DAB2: variants seen among roughly 807,000 people sequenced by gnomAD.
DAB2 encodes DAB adaptor protein 2.
Under a neutral mutation model 71.6 loss-of-function variants are expected in DAB2, and 28 were observed. That is an observed-to-expected ratio of 0.39 (90% CI 0.29 to 0.54). The LOEUF is 0.54. DAB2 is among the 20% of genes least tolerant of loss of function. The pLI, the probability that DAB2 is intolerant of heterozygous loss-of-function variation, is 0.68. For missense variants in DAB2, 867 were observed against 928.8 expected (o/e 0.93, Z 0.86); for synonymous variants, 345 against 339.7 (o/e 1.02, Z -0.17).
chr5:39,390,078 C>A, intron 5 of DAB2, 146 bp from the exon 6 acceptor site: 1 of 631,262 alleles, frequency 1.6e-6, no homozygotes, highest in Non-Finnish European at 2.7e-6. Flanking sequence ...GGGATCACCA[C>A]CAACCCAATC....
chr5:39,383,206 T>C lies in DAB2; in HGVS notation c.753A>G (p.Arg251=). 6.2e-7 allele frequency: 1 copy of C among 1,613,968 alleles called. No homozygotes were observed. Among genetic ancestry groups the C allele is most frequent in the Non-Finnish European group, 8.5e-7 (1 of 1,179,914 alleles). The change falls in exon 10 of 15, where the codon AGA becomes AGG. Residue 251 remains arginine (R), a synonymous_variant. Coordinates refer to ENST00000320816, the MANE Select transcript of DAB2 (RefSeq NM_001343.4). ...SEIDTNQNSL[R]ENPFLTNGIT... ...TGCCGTTTGTTAAGAATGGATTTTC[T>C]CTTAAAGAATTCTGATTGGTGTCGA...
intron 9 of DAB2, among the ~76,000 whole-genome samples, chr5:39,384,296 T>C (rs1755047238): frequency 6.6e-6 from 1 of 152,250 alleles, no homozygotes; most frequent in African/African-American, 2.4e-5. Context: ...TACATACACA[T>C]GATAAAGTTT....
chr5:39,388,341 C>T lies in DAB2; in HGVS notation c.651G>A (p.Gly217=). The part of the protein sequence containing the change: ...KSGVDQMDLF[G]DMSTPPDLNS... ...TTAGGTCAGGAGGTGTAGACATGTC[C>T]CCAAACAAATCCATCTGGTCAACAC... Residue 217 remains glycine, a synonymous_variant, in exon 9 of 15, where the codon GGG becomes GGA. Coordinates refer to ENST00000320816, the MANE Select transcript of DAB2 (RefSeq NM_001343.4). 1 of 1,611,694 alleles carries T rather than the reference C, an allele frequency of 6.2e-7. No homozygotes were observed. The highest frequency in any genetic ancestry group is 8.5e-7 in the Non-Finnish European group (1 of 1,178,556).
chr5:39,379,321 C>T (rs975319006), intron 11 of DAB2, among the ~76,000 whole-genome samples: 3 of 151,682 alleles, frequency 2.0e-5, no homozygotes, highest in African/African-American at 4.8e-5. Flanking sequence ...GGTGTGGTGG[C>T]GCATGCCTGT....
chr5:39,404,779 A>G (rs535540514), intron 1 of DAB2, among the ~76,000 whole-genome samples: 1 of 152,236 alleles, frequency 6.6e-6, no homozygotes, highest in East Asian at 1.9e-4. Context: ...GGGTCTCACT[A>G]TGTTGGCCAG....
rs1756021512 is a variant in DAB2, at chr5:39,422,850, A to T, written c.-102+1954T>A. 6.6e-6 allele frequency among the ~76,000 whole-genome samples: 1 copy of T among 152,186 alleles called. No homozygotes were observed. The highest frequency in any genetic ancestry group is 1.5e-5 in the Non-Finnish European group (1 of 68,036). On this transcript the variant is annotated intron_variant, in intron 1 of 14. Transcript: ENST00000320816. The surrounding 1 kb of genome is among the most constrained non-coding windows in gnomAD (Gnocchi z 4.1). ...ACAACAAACAGGCCTAATGCACAGG[A>T]ATTTGGACTTCCAGTTTAATCTGAA...
chr5:39,412,438 C>A (rs1178432248), intron 1 of DAB2, among the ~76,000 whole-genome samples: 2 of 152,148 alleles, frequency 1.3e-5, no homozygotes, highest in Non-Finnish European at 2.9e-5. Context: ...TGCATCCCTA[C>A]TAAGTGCCAG....
In DAB2 at chr5:39,372,809, C is replaced by A. The variant is rs1467578489; in HGVS notation, c.*622G>T. 6.6e-6 allele frequency: 1 copy of A among 152,004 alleles called. No individual in the cohort carries two copies. Among genetic ancestry groups the A allele is most frequent in the Non-Finnish European group, 1.5e-5 (1 of 68,010 alleles). 9.4% of individuals were successfully genotyped at this position (152,004 alleles called of 1,614,324 possible). On this transcript the variant is annotated 3_prime_UTR_variant, in exon 15 of 15. Transcript: ENST00000320816. ...AATGGGAGAAAAGGACAATCTTGGC[C>A]TTGGGAGAAATTGATCTTCAGAAAG... is the stretch of plus-strand genomic sequence containing the variant.
chr5:39,393,472 A>G, intron 2 of DAB2, 79 bp from the exon 3 acceptor site: 2 of 1,394,184 alleles, frequency 1.4e-6, no homozygotes, highest in Non-Finnish European at 2.0e-6. Context: ...TCCAAAATTT[A>G]AGTAATATAA....
intron 1 of DAB2, chr5:39,423,734 G>C (rs1280380556): frequency 6.6e-6 from 1 of 152,170 alleles, no homozygotes; most frequent in African/African-American, 2.4e-5. Flanking sequence ...TGCTTTGCCT[G>C]ACTAAGGCCA....
chr5:39,382,332 G>T (rs1412956048), intron 10 of DAB2, among the ~76,000 whole-genome samples: 2 of 152,146 alleles, frequency 1.3e-5, no homozygotes, highest in Non-Finnish European at 2.9e-5. Flanking sequence ...CTTACCAGAG[G>T]TATAGAAGCA....
chr5:39,411,464 T>C (rs968815362), intron 1 of DAB2, among the ~76,000 whole-genome samples: 12 of 152,160 alleles, frequency 7.9e-5, no homozygotes, highest in African/African-American at 1.9e-4. Flanking sequence ...AGTGATTAGA[T>C]AGGGGCTCCA....
chr5:39,392,368 A>T lies in DAB2; in HGVS notation c.327T>A (p.Thr109=). ...ATCAGCAAATGTGAATTCTTACCCC[A>T]GTTTTCTCATCAATTATTTTTATCC... ...LSGIKIIDEK[T]GVIEHEHPVN... Residue 109 remains threonine (T), a synonymous_variant, in exon 4 of 15, where the codon ACT becomes ACA. Coordinates refer to ENST00000320816, the MANE Select transcript of DAB2 (RefSeq NM_001343.4). 1 of 1,611,928 alleles carries T rather than the reference A, an allele frequency of 6.2e-7. No individual in the cohort carries two copies. The highest frequency in any genetic ancestry group is 8.5e-7 in the Non-Finnish European group (1 of 1,178,030).
At chr5:39,392,303 A>G in intron 4 of DAB2, 62 bp downstream of exon 4, 1 of 1,259,504 alleles carries the variant, frequency 7.9e-7, no homozygotes. Context: ...CCGAAATTCA[A>G]GTAGCAAATT....
chr5:39,392,109 C>CA (rs939628036), intron 4 of DAB2: 2 of 240,236 alleles, frequency 8.3e-6, no homozygotes, highest in African/African-American at 4.7e-5. Context: ...ATATTATAGA[C>CA]ATAATGTGAA....
chr5:39,424,345 G>C (rs899462206), intron 1 of DAB2, among the ~76,000 whole-genome samples: 2 of 151,960 alleles, frequency 1.3e-5, no homozygotes, highest in Non-Finnish European at 2.9e-5. Context: ...CCAGGAAAAA[G>C]CTCCTTATGG....
rs1199568587 is a variant in DAB2 at position 39,383,283 on chromosome 5, G to A, written c.688-12C>T. On this transcript the variant is annotated splice_polypyrimidine_tract_variant and intron_variant, in intron 9 of 14. Coordinates refer to ENST00000320816, the MANE Select transcript of DAB2 (RefSeq NM_001343.4). ...ATATCTTTGCTTTCCTATCACATTT[G>A]GAAAGAAAAAAAAAGAAAGTGTTAG... The A allele has an allele frequency of 2.6e-6, 4 of 1,566,960 alleles. No homozygotes were observed. Among genetic ancestry groups the A allele is most frequent in the Admixed American group, 3.9e-5 (2 of 51,670 alleles).
Position 39,383,066 on chromosome 5 carries a change from T to C in DAB2, c.893A>G (p.Asp298Gly), listed in dbSNP as rs1248341513. ...CGATTGGTCTGGCTGTGTGAAAGGATCGTCACGGAAAGGATCAGGATTAGG... is the reference window on the plus strand; with the variant it reads ...CGATTGGTCTGGCTGTGTGAAAGGACCGTCACGGAAAGGATCAGGATTAGG... ...PTPNPDPFRD[D>G]PFTQPDQSTP... The change falls in exon 10 of 15, where the codon GAT becomes GGT. Residue 298 changes from aspartate (D) to glycine (G), a missense_variant. This residue lies in a region of DAB2 where 740 missense variants were observed against 734.3 expected (regional missense o/e 1.01). Coordinates refer to ENST00000320816, the MANE Select transcript of DAB2 (RefSeq NM_001343.4). The C allele has an allele frequency of 6.2e-7, 1 of 1,613,932 alleles. No homozygotes were observed. Among genetic ancestry groups the C allele is most frequent in the Non-Finnish European group, 8.5e-7 (1 of 1,180,014 alleles).
At chr5:39,415,511 C>T (rs569619717) in intron 1 of DAB2, among the ~76,000 whole-genome samples, 1 of 152,260 alleles carries the variant, frequency 6.6e-6, no homozygotes, top group South Asian at 2.1e-4. Flanking sequence ...CTTTTAATTA[C>T]CAGATTTTCT....
Sources: allele counts gnomAD v4.1 joint callset (sites outside exome capture counted in the v4.1 genomes callset), GRCh38; gene constraint gnomAD v4.1.1; regional missense constraint gnomAD v4.1.1; non-coding constraint Gnocchi (gnomAD v3.1); transcripts MANE v1.5; gene names NCBI Gene and HGNC (gene_info 2026-07-23, HGNC 2026-07-21).